The following CFAP45 variants were observed in gnomAD, a reference collection of about 807,000 sequenced individuals.
CFAP45 encodes cilia and flagella associated protein 45, also known as cilia- and flagella-associated protein 45.
Under a neutral mutation model 75.6 loss-of-function variants are expected in CFAP45, and 43 were observed. The observed-to-expected ratio is 0.57, with a 90% CI of 0.45 to 0.73. The LOEUF (loss-of-function observed/expected upper bound fraction) is 0.73, where lower values mean the gene tolerates loss of function less well. CFAP45 is among the 30% of genes least tolerant of loss of function. The pLI, the probability that CFAP45 is intolerant of heterozygous loss-of-function variation, is 0.00. For missense variants in CFAP45, 689 were observed against 701.5 expected, an observed-to-expected ratio of 0.98 and a Z score of 0.20; for synonymous variants, 223 against 244.6, an observed-to-expected ratio of 0.91 and a Z score of 0.82.
intron 2 of CFAP45, 58 bp from the exon 3 acceptor site, chr1:159,890,680 T>A (rs1002451412): frequency 3.2e-6 from 5 of 1,560,914 alleles, no homozygotes; most frequent in African/African-American, 1.4e-5. Context: ...TGCTGGTCAG[T>A]CCTAACTTCA....
At chr1:159,878,753 T>TAACAAAAAAAAAAAA (rs1649469242) in intron 8 of CFAP45, among the ~76,000 whole-genome samples, 1 of 32,496 alleles carries the variant, frequency 3.1e-5, no homozygotes, top group Non-Finnish European at 5.8e-5. Flanking sequence ...AGACTACATC[T>TAACAAAAAAAAAAAA]AAAAAAAAAA....
At chr1:159,890,840 C>T (rs1557915677) in intron 2 of CFAP45, among the ~76,000 whole-genome samples, 1 of 143,294 alleles carries the variant, frequency 7.0e-6, no homozygotes, top group Non-Finnish European at 1.5e-5. Context: ...CTCACTACAA[C>T]CGCCACCTCC....
At chr1:159,897,446 G>A (rs1649978886) in intron 1 of CFAP45, among the ~76,000 whole-genome samples, 1 of 152,116 alleles carries the variant, frequency 6.6e-6, no homozygotes, top group Admixed American at 6.6e-5. Context: ...AGCTGGGCAT[G>A]GTGGCACACG....
chr1:159,893,759 G>A (rs577276774), intron 1 of CFAP45, among the ~76,000 whole-genome samples: 2 of 152,232 alleles, frequency 1.3e-5, no homozygotes, highest in African/African-American at 2.4e-5. Flanking sequence ...ATATCTAGGA[G>A]AGGATTTTGA....
chr1:159,895,086 G>C (rs1038807043), intron 1 of CFAP45, among the ~76,000 whole-genome samples: 9 of 152,164 alleles, frequency 5.9e-5, no homozygotes, highest in African/African-American at 2.2e-4. Flanking sequence ...TTGGAATTCT[G>C]GCTCTGTTGC....
Position 159,894,565 on chromosome 1 carries a change from C to T in CFAP45, c.4-1260G>A, listed in dbSNP as rs151049375. Among the ~76,000 whole-genome samples the T allele has an allele frequency of 1.9e-3, 293 of 152,312 alleles. 2 individuals are homozygous for T. The East Asian group carries it at 0.021, about 11-fold the overall frequency. On this transcript the variant is annotated intron_variant, in intron 1 of 11. Transcript: ENST00000368099. Reference sequence around the variant, plus strand: ...TAAATGATTACTAGCTATAATCAAGCAAACCAGTTCATAATACCCACTATT... The same window carrying T: ...TAAATGATTACTAGCTATAATCAAGTAAACCAGTTCATAATACCCACTATT...
intron 7 of CFAP45, among the ~76,000 whole-genome samples, chr1:159,882,457 G>A (rs1015063687): frequency 6.6e-6 from 1 of 152,024 alleles, no homozygotes; most frequent in Admixed American, 6.5e-5. Flanking sequence ...TCAATTCCAA[G>A]ACACCAAAGG....
At chr1:159,878,700 G>A (rs568753410) in intron 8 of CFAP45, among the ~76,000 whole-genome samples, 1 of 136,202 alleles carries the variant, frequency 7.3e-6, no homozygotes, top group East Asian at 2.4e-4. Flanking sequence ...TTGCTGCAGT[G>A]AGCTGAGATC....
chr1:159,897,239 G>A (rs1363293013), intron 1 of CFAP45, among the ~76,000 whole-genome samples: 4 of 150,086 alleles, frequency 2.7e-5, no homozygotes, highest in African/African-American at 4.9e-5. Context: ...ACTCCAGCCT[G>A]GGTGACAGAG....
intron 10 of CFAP45, chr1:159,873,394 C>T (rs1649326421): frequency 3.4e-6 from 2 of 584,644 alleles, no homozygotes; most frequent in South Asian, 2.1e-5. Flanking sequence ...GGTCGCATGA[C>T]TGTATGTCAT....
chr1:159,888,544 A>G, intron 3 of CFAP45, 48 bp from the exon 4 acceptor site: 1 of 1,568,504 alleles, frequency 6.4e-7, no homozygotes, highest in Non-Finnish European at 8.7e-7. Flanking sequence ...GAAAGCTCTC[A>G]GCACCACACT....
At position 159,900,151 on chromosome 1, in the gene CFAP45, C is replaced by G. The variant is rs3820101; in HGVS notation, c.-53G>C. 5.6e-6 allele frequency: 9 copies of G among 1,613,520 alleles called. No individual in the cohort carries two copies. Among genetic ancestry groups the G allele is most frequent in the Admixed American group, 1.7e-5 (1 of 59,976 alleles). On this transcript the variant is annotated 5_prime_UTR_variant, in exon 1 of 12. Coordinates refer to ENST00000368099, the MANE Select transcript of CFAP45 (RefSeq NM_012337.3). ...ACTTCTGCTGCCGCCTCGGCGCCGC[C>G]AAGGCCCTAGTGTTGACGCGTTACC...
intron 1 of CFAP45, among the ~76,000 whole-genome samples, chr1:159,899,592 C>T (rs1477095587): frequency 1.3e-5 from 2 of 151,710 alleles, no homozygotes; most frequent in Admixed American, 6.6e-5. Flanking sequence ...CTCAGCCTCC[C>T]GAGTAGCTGG....
chr1:159,880,159 A>G, intron 8 of CFAP45, among the ~76,000 whole-genome samples: 1 of 152,194 alleles, frequency 6.6e-6, no homozygotes, highest in Non-Finnish European at 1.5e-5. Context: ...AGGATGTCCA[A>G]TATAGGCATT....
chr1:159,876,505 T>C, intron 10 of CFAP45, 51 bp downstream of exon 10: 1 of 1,321,884 alleles, frequency 7.6e-7, no homozygotes, highest in Non-Finnish European at 1.1e-6. Flanking sequence ...ATATGGACCA[T>C]CCCTGCTACA....
intron 2 of CFAP45, among the ~76,000 whole-genome samples, chr1:159,892,751 T>C (rs563886385): frequency 1.3e-3 from 196 of 152,342 alleles, no homozygotes; most frequent in African/African-American, 3.9e-3. Context: ...GTAATTGTTT[T>C]AGTTGAGCAA....
chr1:159,890,488 T>C lies in CFAP45; in HGVS notation c.264A>G (p.Arg88=), dbSNP rs1402348042. ...GGGGACGGTGTACTCACATGAGTTCTCGGACCATGTCCCGGGTGATGAGCT... is the reference window on the plus strand; with the variant it reads ...GGGGACGGTGTACTCACATGAGTTCCCGGACCATGTCCCGGGTGATGAGCT... The part of the protein sequence containing the change: ...TIQLITRDMV[R]ELIVPTEDPS... Residue 88 remains arginine, a synonymous_variant, in exon 3 of 12, where the codon CGA becomes CGG. Transcript: ENST00000368099. The C allele has an allele frequency of 1.9e-6, 3 of 1,614,008 alleles. No homozygotes were observed. The highest frequency in any genetic ancestry group is 2.5e-6 in the Non-Finnish European group (3 of 1,180,008).
At chr1:159,891,939 A>G (rs1649838974) in intron 2 of CFAP45, among the ~76,000 whole-genome samples, 1 of 152,178 alleles carries the variant, frequency 6.6e-6, no homozygotes, top group South Asian at 2.1e-4. Flanking sequence ...TGCTTTGACT[A>G]GAAAACTCCA....
chr1:159,883,588 T>C (rs1323769196), intron 7 of CFAP45, among the ~76,000 whole-genome samples: 1 of 150,950 alleles, frequency 6.6e-6, no homozygotes, highest in Non-Finnish European at 1.5e-5. Context: ...AGTGTCAAGA[T>C]ATCTGCAACT....
Sources: allele counts gnomAD v4.1 joint callset (sites outside exome capture counted in the v4.1 genomes callset), GRCh38; gene constraint gnomAD v4.1.1; transcripts MANE v1.5; gene names NCBI Gene and HGNC (gene_info 2026-07-23, HGNC 2026-07-21).